The following EYS variants were observed in gnomAD, a reference collection of about 807,000 sequenced individuals.
EYS encodes EGF-like photoreceptor maintenance factor.
EYS carries 250 observed loss-of-function variants against 282.1 expected under a neutral mutation model. The ratio of observed to expected loss-of-function variants is 0.89; its 90% CI spans 0.80 to 0.98. EYS has a LOEUF of 0.98. EYS is among the 50% of genes least tolerant of loss of function. The probability of loss-of-function intolerance (pLI) is 0.00; values close to 1 mark genes in which losing one functional copy is unlikely to be tolerated. For synonymous variants in EYS, 1,355 were observed against 1,282.9 expected (o/e 1.06, Z -1.20); for missense variants, 4,016 against 3,709.0 (o/e 1.08, Z -2.15).
chr6:65,165,273 A>G (rs1764946017), intron 12 of EYS, among the ~76,000 whole-genome samples: 2 of 148,540 alleles, frequency 1.3e-5, no homozygotes, highest in Non-Finnish European at 3.0e-5. Context: ...CTTTGCATAT[A>G]TTTAAGTTTT....
intron 41 of EYS, among the ~76,000 whole-genome samples, chr6:63,737,536 G>T (rs1013406076): frequency 6.6e-6 from 1 of 152,112 alleles, no homozygotes; most frequent in Non-Finnish European, 1.5e-5. Flanking sequence ...CAAGGATATT[G>T]GTCTAAAATT....
intron 33 of EYS, among the ~76,000 whole-genome samples, chr6:64,042,760 C>A (rs1770447524): frequency 6.6e-6 from 1 of 152,134 alleles, no homozygotes; most frequent in Non-Finnish European, 1.5e-5. Flanking sequence ...TCTTCCTGAT[C>A]CAAAGATCAG....
chr6:65,623,544 G>A (rs1008716381), intron 2 of EYS, among the ~76,000 whole-genome samples: 2 of 152,010 alleles, frequency 1.3e-5, no homozygotes, highest in African/African-American at 4.8e-5. Context: ...CAAATTTTTA[G>A]TATAGTGTTG....
chr6:65,594,005 T>C (rs1292177323), intron 2 of EYS, among the ~76,000 whole-genome samples: 1 of 151,920 alleles, frequency 6.6e-6, no homozygotes, highest in African/African-American at 2.4e-5. Context: ...TTAGGTAGCA[T>C]AGACATGATA....
chr6:65,189,910 A>G (rs1399160944), intron 12 of EYS, among the ~76,000 whole-genome samples: 1 of 151,826 alleles, frequency 6.6e-6, no homozygotes, highest in Non-Finnish European at 1.5e-5. Flanking sequence ...AACAAAGTCA[A>G]AACAAGTTGC....
intron 12 of EYS, among the ~76,000 whole-genome samples, chr6:65,232,986 TTTTCA>T (rs1409980818): frequency 6.6e-6 from 1 of 152,174 alleles, no homozygotes; most frequent in Non-Finnish European, 1.5e-5. Context: ...TCCTGTGAAT[TTTTCA>T]TTTCAGTTCA....
chr6:64,096,779 G>T (rs1041545214), intron 31 of EYS, among the ~76,000 whole-genome samples: 2 of 152,178 alleles, frequency 1.3e-5, no homozygotes, highest in African/African-American at 4.8e-5. Flanking sequence ...ATCCAGCTTT[G>T]TTCCGTTGCT....
intron 22 of EYS, among the ~76,000 whole-genome samples, chr6:64,758,931 G>A (rs1302272133): frequency 6.6e-6 from 1 of 152,158 alleles, no homozygotes; most frequent in Non-Finnish European, 1.5e-5. Flanking sequence ...TAGGTCAGGA[G>A]ATAGAGACCA....
chr6:64,766,224 G>C (rs963978554), intron 22 of EYS, among the ~76,000 whole-genome samples: 2 of 151,410 alleles, frequency 1.3e-5, no homozygotes, highest in South Asian at 4.2e-4. Context: ...CACTGCACTG[G>C]CCCCTCCCCT....
At chr6:63,973,551 A>T (rs1057067780) in intron 35 of EYS, among the ~76,000 whole-genome samples, 3 of 152,072 alleles carry the variant, frequency 2.0e-5, no homozygotes, top group Non-Finnish European at 2.9e-5. Context: ...ATTCATTTAT[A>T]CTCCATTTTA....
Position 63,923,815 on chromosome 6 carries a change from G to A in EYS, c.7056-59457C>T, listed in dbSNP as rs367951565. 2.6e-5 allele frequency among the ~76,000 whole-genome samples: 4 copies of A among 152,240 alleles called. No homozygotes were observed. In the East Asian group the frequency reaches 5.8e-4, roughly 22 times the overall value. ...CATTGTTTAGCTTCCACTCATAAGT[G>A]AGAACATGCGGTATTTGGCTTTCTG... On this transcript the variant is annotated intron_variant, in intron 35 of 42. Coordinates refer to ENST00000503581, the MANE Select transcript of EYS (RefSeq NM_001142800.2).
At chr6:63,852,816 G>T (rs1772294078) in intron 36 of EYS, among the ~76,000 whole-genome samples, 1 of 152,172 alleles carries the variant, frequency 6.6e-6, no homozygotes, top group Non-Finnish European at 1.5e-5. Context: ...TGGGATGCAA[G>T]GGTGGTTCTA....
chr6:65,671,308 G>A (rs1768383952), intron 1 of EYS, among the ~76,000 whole-genome samples: 1 of 152,104 alleles, frequency 6.6e-6, no homozygotes, highest in South Asian at 2.1e-4. Flanking sequence ...ACAAAGAGAT[G>A]TACTTTAAAA....
chr6:64,147,604 A>G (rs954509861), intron 31 of EYS, among the ~76,000 whole-genome samples: 3 of 152,182 alleles, frequency 2.0e-5, no homozygotes, highest in African/African-American at 4.8e-5. Context: ...AGATAATTCT[A>G]AAGTTTACCA....
intron 30 of EYS, among the ~76,000 whole-genome samples, chr6:64,304,378 G>T (rs1051369035): frequency 2.0e-5 from 3 of 152,090 alleles, no homozygotes; most frequent in Non-Finnish European, 2.9e-5. Context: ...AATTAATAGA[G>T]CAACGATGTA....
At chr6:64,474,411 ACT>A (rs1443259947) in intron 26 of EYS, among the ~76,000 whole-genome samples, 4 of 152,208 alleles carry the variant, frequency 2.6e-5, no homozygotes, top group African/African-American at 9.6e-5. Flanking sequence ...AGTAGCATAA[ACT>A]CAACCTTTAT....
intron 13 of EYS, among the ~76,000 whole-genome samples, chr6:65,001,972 A>G (rs1771479926): frequency 6.8e-6 from 1 of 147,076 alleles, no homozygotes; most frequent in African/African-American, 2.4e-5. Flanking sequence ...GTAGTATTGC[A>G]TTATAAGTAA....
At chr6:64,654,266 C>T (rs906801697) in intron 22 of EYS, among the ~76,000 whole-genome samples, 5 of 152,068 alleles carry the variant, frequency 3.3e-5, no homozygotes, top group African/African-American at 1.2e-4. Flanking sequence ...ATTAATGATA[C>T]CTCTCACTTT....
At chr6:65,068,315 C>T (rs139031786) in intron 12 of EYS, among the ~76,000 whole-genome samples, 6 of 152,178 alleles carry the variant, frequency 3.9e-5, no homozygotes, top group African/African-American at 1.4e-4. Context: ...AGGATATTGC[C>T]CTCACTGTTC....
Sources: allele counts gnomAD v4.1 joint callset (sites outside exome capture counted in the v4.1 genomes callset), GRCh38; gene constraint gnomAD v4.1.1; transcripts MANE v1.5; gene names NCBI Gene and HGNC (gene_info 2026-07-23, HGNC 2026-07-21).